LRP1B: variants seen among roughly 807,000 people sequenced by gnomAD.
LRP1B encodes low-density lipoprotein receptor-related protein 1B.
LRP1B carries 217 observed loss-of-function variants against 556.6 expected under a neutral mutation model. The ratio of observed to expected loss-of-function variants is 0.39; its 90% confidence interval spans 0.35 to 0.44. The LOEUF (loss-of-function observed/expected upper bound fraction) is 0.44, where lower values mean the gene tolerates loss of function less well. Ranked by LOEUF, LRP1B falls within the 20% of genes least tolerant of loss-of-function variation. LRP1B has a pLI of 1.00. For missense variants in LRP1B, 5,053 were observed against 5,620.8 expected (o/e 0.90, Z 3.23); for synonymous variants, 2,047 against 1,865.8 (o/e 1.10, Z -2.50).
intron 33 of LRP1B, among the ~76,000 whole-genome samples, chr2:140,774,811 T>C (rs1307069091): frequency 6.6e-6 from 1 of 152,202 alleles, no homozygotes; most frequent in Non-Finnish European, 1.5e-5. Flanking sequence ...GTTTCATTAC[T>C]GAATTGCTAG....
At chr2:141,599,151 G>C (rs1687643211) in intron 2 of LRP1B, among the ~76,000 whole-genome samples, 1 of 131,176 alleles carries the variant, frequency 7.6e-6, no homozygotes, top group South Asian at 2.3e-4. Flanking sequence ...GCTGCATTTT[G>C]TCTCTTTGCA....
chr2:141,254,855 C>T (rs1684402385), intron 3 of LRP1B, among the ~76,000 whole-genome samples: 1 of 151,960 alleles, frequency 6.6e-6, no homozygotes, highest in Admixed American at 6.6e-5. Flanking sequence ...TGGTCTCCCG[C>T]TTTTTAGCTT....
intron 2 of LRP1B, among the ~76,000 whole-genome samples, chr2:141,546,045 T>G (rs918832673): frequency 1.3e-5 from 2 of 152,148 alleles, no homozygotes; most frequent in Non-Finnish European, 2.9e-5. Context: ...TGGATCTTGG[T>G]GATGCTTCCC....
intron 7 of LRP1B, among the ~76,000 whole-genome samples, chr2:141,177,648 A>T (rs1253909715): frequency 1.3e-5 from 2 of 152,166 alleles, no homozygotes; most frequent in Admixed American, 1.3e-4. Flanking sequence ...GAGTGAAGGG[A>T]AGAATTGGCT....
chr2:141,371,290 A>T (rs1689223094), intron 3 of LRP1B, among the ~76,000 whole-genome samples: 2 of 152,162 alleles, frequency 1.3e-5, no homozygotes, highest in African/African-American at 4.8e-5. Context: ...TTTTAGTATT[A>T]TCTGAAGTCA....
At chr2:141,583,002 A>AT (rs1392329071) in intron 2 of LRP1B, among the ~76,000 whole-genome samples, 3 of 151,444 alleles carry the variant, frequency 2.0e-5, no homozygotes, top group Non-Finnish European at 4.4e-5. Context: ...TGCCTGGCTA[A>AT]TTTTTTTGTA....
intron 20 of LRP1B, among the ~76,000 whole-genome samples, chr2:140,937,682 T>A (rs776098120): frequency 2.0e-5 from 3 of 152,210 alleles, no homozygotes; most frequent in African/African-American, 4.8e-5. Context: ...AGTATTTGTA[T>A]TTATGTACAG....
At chr2:141,366,833 T>A (rs1017246212) in intron 3 of LRP1B, among the ~76,000 whole-genome samples, 2 of 152,076 alleles carry the variant, frequency 1.3e-5, no homozygotes, top group Non-Finnish European at 2.9e-5. Context: ...AAACGCTGGG[T>A]CACTTTTCTC....
chr2:141,822,701 T>G (rs141639794), intron 1 of LRP1B, among the ~76,000 whole-genome samples: 1 of 152,182 alleles, frequency 6.6e-6, no homozygotes, highest in African/African-American at 2.4e-5. Context: ...TCTTAAAATA[T>G]ATTTTAAATC....
chr2:140,364,794 A>T lies in LRP1B; in HGVS notation c.11009-11T>A. The T allele has an allele frequency of 6.2e-7, 1 of 1,606,242 alleles. No individual in the cohort carries two copies. The highest frequency in any genetic ancestry group is 8.5e-7 in the Non-Finnish European group (1 of 1,175,174). On this transcript the variant is annotated splice_polypyrimidine_tract_variant and intron_variant, in intron 71 of 90. Coordinates refer to ENST00000389484, the MANE Select transcript of LRP1B (RefSeq NM_018557.3). ...TACATATATTTCCTCCTTTATTTTA[A>T]AACAAAAAGAAACAAAGAGATTCAG...
chr2:140,569,546 A>G (rs1681246785), intron 43 of LRP1B, among the ~76,000 whole-genome samples: 1 of 151,974 alleles, frequency 6.6e-6, no homozygotes, highest in African/African-American at 2.4e-5. Context: ...AGCACACAAT[A>G]TAAACCAAAT....
intron 60 of LRP1B, among the ~76,000 whole-genome samples, chr2:140,465,512 C>T (rs1687507691): frequency 1.3e-5 from 2 of 152,046 alleles, no homozygotes; most frequent in African/African-American, 4.8e-5. Flanking sequence ...AAGAACAATG[C>T]ACAATAGTCT....
intron 3 of LRP1B, among the ~76,000 whole-genome samples, chr2:141,417,843 G>C (rs1180997774): frequency 2.7e-5 from 4 of 150,124 alleles, no homozygotes; most frequent in Admixed American, 1.3e-4. Context: ...AGCACACAAG[G>C]CTCTCAATTT....
chr2:141,122,293 C>T (rs2104999964), intron 7 of LRP1B, among the ~76,000 whole-genome samples: 1 of 152,018 alleles, frequency 6.6e-6, no homozygotes, highest in African/African-American at 2.4e-5. Flanking sequence ...GCAAAAGAAA[C>T]TACCATCAGA....
intron 2 of LRP1B, among the ~76,000 whole-genome samples, chr2:141,502,814 G>T (rs1166633308): frequency 6.7e-6 from 1 of 149,934 alleles, no homozygotes; most frequent in South Asian, 2.1e-4. Context: ...AGCCAAGATT[G>T]TGCCACTGTA....
At chr2:140,494,652 T>C (rs1405351829) in intron 56 of LRP1B, among the ~76,000 whole-genome samples, 1 of 149,108 alleles carries the variant, frequency 6.7e-6, no homozygotes, top group East Asian at 1.9e-4. Context: ...AATCCTCAAA[T>C]TGATTCAGGG....
In LRP1B at chr2:140,508,071, A is replaced by T. The variant is rs547451068; in HGVS notation, c.8399-1153T>A. ...CAGATTCCTCAAAACAGTTCACTAC[A>T]ATATTGTGGGAATTCAATAATGCAA... On this transcript the variant is annotated intron_variant, in intron 52 of 90. Coordinates refer to ENST00000389484, the MANE Select transcript of LRP1B (RefSeq NM_018557.3). Among the ~76,000 whole-genome samples the T allele has an allele frequency of 5.9e-5, 9 of 152,262 alleles. 1 individual carries two copies. The South Asian group carries it at 1.9e-3, about 32-fold the overall frequency.
At position 140,356,086 on chromosome 2, in the gene LRP1B, T is replaced by C. The variant is rs761212523; in HGVS notation, c.11530+256A>G. Among the ~76,000 whole-genome samples, 10 of 151,870 alleles carry C rather than the reference T, an allele frequency of 6.6e-5. 1 individual carries two copies. In the South Asian group the frequency reaches 1.2e-3, roughly 19 times the overall value. On this transcript the variant is annotated intron_variant, in intron 75 of 90. Transcript: ENST00000389484. ...TCGTTATTTGCATTTCAAAACAGTA[T>C]TGTAGCAATAGAATTGAAATTCCTG...
At chr2:140,871,936 T>C (rs530531373) in intron 25 of LRP1B, among the ~76,000 whole-genome samples, 8 of 152,094 alleles carry the variant, frequency 5.3e-5, no homozygotes, top group African/African-American at 1.7e-4. Context: ...GCTCAATGGT[T>C]AGAAGCCAGC....
Sources: gnomAD v4.1 joint callset for allele counts (sites outside exome capture counted in the v4.1 genomes callset) on GRCh38, gnomAD v4.1.1 for gene constraint, MANE v1.5 for transcripts, NCBI Gene and HGNC (gene_info 2026-07-23, HGNC 2026-07-21) for gene names.